The following PLPP3 variants were observed in gnomAD, a reference collection of about 807,000 sequenced individuals.
PLPP3 encodes PAP2 beta.
In PLPP3, 6 loss-of-function variants were observed where a neutral mutation model predicts 29.6. The observed-to-expected ratio is 0.20, with a 90% CI of 0.11 to 0.40. PLPP3 has a LOEUF of 0.40. PLPP3 is among the 10% of genes least tolerant of loss of function. The pLI is 1.00. For missense variants in PLPP3, 308 were observed against 407.7 expected (o/e 0.76, Z 2.11); for synonymous variants, 152 against 159.7 (o/e 0.95, Z 0.36).
intron 5 of PLPP3, among the ~76,000 whole-genome samples, chr1:56,506,007 G>C (rs1645699753): frequency 6.6e-6 from 1 of 152,208 alleles, no homozygotes; most frequent in African/African-American, 2.4e-5. Flanking sequence ...GGGGCCAGCA[G>C]TGGCAAGATC....
intron 5 of PLPP3, among the ~76,000 whole-genome samples, chr1:56,509,100 A>G (rs1419376498): frequency 1.3e-5 from 2 of 152,208 alleles, no homozygotes; most frequent in Non-Finnish European, 2.9e-5. Context: ...ATGAGGTCCC[A>G]CTGAGCACAA....
intron 4 of PLPP3, among the ~76,000 whole-genome samples, chr1:56,520,375 T>C (rs991293630): frequency 6.6e-6 from 1 of 152,014 alleles, no homozygotes; most frequent in Non-Finnish European, 1.5e-5. Flanking sequence ...AGGGAAGCTA[T>C]GAATCACAGG....
chr1:56,512,037 T>C lies in PLPP3; in HGVS notation c.749A>G (p.Lys250Arg), dbSNP rs1645744279. The change falls in exon 5 of 6, where the codon AAG (lysine) becomes AGG (arginine). Residue 250 changes from lysine to arginine, a missense_variant. Physicochemically the swap from Lys to Arg is conservative, Grantham distance 26. Coordinates refer to ENST00000371250, the MANE Select transcript of PLPP3 (RefSeq NM_003713.5). The part of the protein sequence containing the change: ...YTGLSRVSDH[K>R]HHPSDVLAGF... ...TGCCAGAACATCACTGGGATGGTGC[T>C]TGTGGTCTGATACGCGAGACAGTCC... 1 of 1,613,616 alleles carries C rather than the reference T, an allele frequency of 6.2e-7. No homozygotes were observed. The highest frequency in any genetic ancestry group is 1.1e-5 in the South Asian group (1 of 90,936).
At chr1:56,563,148 T>C (rs1006290832) in intron 1 of PLPP3, among the ~76,000 whole-genome samples, 1 of 152,200 alleles carries the variant, frequency 6.6e-6, no homozygotes, top group Middle Eastern at 3.2e-3. Flanking sequence ...GGACCTACTC[T>C]AAGTCCTATT....
chr1:56,559,940 A>G (rs1203047951), intron 1 of PLPP3, among the ~76,000 whole-genome samples: 1 of 152,178 alleles, frequency 6.6e-6, no homozygotes, highest in Non-Finnish European at 1.5e-5. Context: ...CCATTCTGCT[A>G]AAGGGAATTC....
intron 1 of PLPP3, among the ~76,000 whole-genome samples, chr1:56,576,436 A>G (rs1646236235): frequency 6.6e-6 from 1 of 152,208 alleles, no homozygotes; most frequent in Non-Finnish European, 1.5e-5. Flanking sequence ...TTGGAAGCCA[A>G]ATAGAGTTCT....
At chr1:56,544,151 G>T (rs1427981714) in intron 1 of PLPP3, among the ~76,000 whole-genome samples, 1 of 152,208 alleles carries the variant, frequency 6.6e-6, no homozygotes, top group Admixed American at 6.5e-5. Context: ...ATTTGAAAGT[G>T]CTTACAGTGA....
intron 4 of PLPP3, among the ~76,000 whole-genome samples, chr1:56,518,132 GA>G (rs1645794915): frequency 6.6e-6 from 1 of 152,158 alleles, no homozygotes; most frequent in Non-Finnish European, 1.5e-5. Flanking sequence ...GTGGTGGGGT[GA>G]GTGAATGATA....
chr1:56,522,993 C>T (rs945015638), intron 4 of PLPP3, among the ~76,000 whole-genome samples: 5 of 152,126 alleles, frequency 3.3e-5, no homozygotes, highest in African/African-American at 1.2e-4. Flanking sequence ...ATTACCCAAC[C>T]GTCTCCAGGA....
intron 1 of PLPP3, among the ~76,000 whole-genome samples, chr1:56,552,750 A>G (rs763386474): frequency 5.9e-5 from 9 of 152,190 alleles, no homozygotes; most frequent in Non-Finnish European, 1.0e-4. Flanking sequence ...ATGATTTCAG[A>G]TGCTAAACAT....
intron 1 of PLPP3, among the ~76,000 whole-genome samples, chr1:56,568,904 C>T (rs1296569826): frequency 6.6e-6 from 1 of 151,866 alleles, no homozygotes; most frequent in Non-Finnish European, 1.5e-5. Flanking sequence ...GGATTACAGG[C>T]GTGAGCCACC....
At chr1:56,538,952 T>C (rs1645948741) in intron 1 of PLPP3, 1 of 43,778 alleles carries the variant, frequency 2.3e-5, no homozygotes, top group African/African-American at 1.4e-4. Flanking sequence ...ACAAGACTTC[T>C]GGGCTGCAAA....
intron 2 of PLPP3, among the ~76,000 whole-genome samples, chr1:56,529,154 A>G (rs917590206): frequency 3.9e-5 from 6 of 152,014 alleles, no homozygotes; most frequent in African/African-American, 1.2e-4. Context: ...TGAATTACTA[A>G]ATTATTACCA....
intron 1 of PLPP3, among the ~76,000 whole-genome samples, chr1:56,561,050 T>C (rs1453082076): frequency 1.3e-5 from 2 of 149,668 alleles, no homozygotes; most frequent in African/African-American, 5.0e-5. Context: ...GGTTTCACCA[T>C]GTTAGCCAGG....
chr1:56,546,553 C>T (rs1312564995), intron 1 of PLPP3, among the ~76,000 whole-genome samples: 2 of 152,154 alleles, frequency 1.3e-5, no homozygotes, highest in African/African-American at 2.4e-5. Flanking sequence ...GACTGAGCCT[C>T]CTATCTATGT....
intron 1 of PLPP3, among the ~76,000 whole-genome samples, chr1:56,540,612 A>C (rs1645961725): frequency 6.6e-6 from 1 of 152,120 alleles, no homozygotes; most frequent in South Asian, 2.1e-4. Flanking sequence ...AAGAAATTGG[A>C]GCTGAATATG....
At chr1:56,530,207 T>C (rs1452758616) in intron 2 of PLPP3, among the ~76,000 whole-genome samples, 1 of 152,120 alleles carries the variant, frequency 6.6e-6, no homozygotes, top group Non-Finnish European at 1.5e-5. Context: ...CTTCTTCTAG[T>C]GGTTCCACAT....
At chr1:56,564,145 C>T (rs1016984867) in intron 1 of PLPP3, among the ~76,000 whole-genome samples, 1 of 152,180 alleles carries the variant, frequency 6.6e-6, no homozygotes, top group East Asian at 1.9e-4. Context: ...ACAAGCTCCA[C>T]CATTTTCTAG....
intron 4 of PLPP3, among the ~76,000 whole-genome samples, chr1:56,520,683 G>A (rs1645812636): frequency 6.6e-6 from 1 of 151,780 alleles, no homozygotes; most frequent in Admixed American, 6.6e-5. Context: ...GGCTGAGGTG[G>A]GTGGATCACC....
Sources: gnomAD v4.1 joint callset for allele counts (sites outside exome capture counted in the v4.1 genomes callset) on GRCh38, gnomAD v4.1.1 for gene constraint, MANE v1.5 for transcripts, NCBI Gene and HGNC (gene_info 2026-07-23, HGNC 2026-07-21) for gene names.